The following DAB1 variants were observed in gnomAD, a reference collection of about 807,000 sequenced individuals.
DAB1 encodes disabled homolog 1.
In DAB1, 15 loss-of-function variants were observed where a neutral mutation model predicts 64.6. The ratio of observed to expected loss-of-function variants is 0.23; its 90% CI spans 0.16 to 0.36. The LOEUF (loss-of-function observed/expected upper bound fraction) is 0.36. DAB1 is among the 10% of genes least tolerant of loss of function. The pLI is 1.00. For missense variants in DAB1, 596 were observed against 706.7 expected, an observed-to-expected ratio of 0.84 and a Z score of 1.78; for synonymous variants, 235 against 251.9, an observed-to-expected ratio of 0.93 and a Z score of 0.64.
chr1:58,227,172 G>A (rs1231444310), intron 4 of DAB1, among the ~76,000 whole-genome samples: 1 of 152,140 alleles, frequency 6.6e-6, no homozygotes, highest in Non-Finnish European at 1.5e-5. Flanking sequence ...GGAATCTCCT[G>A]GAAGAGATCT....
At chr1:57,401,385 AATGAAAAAACATAT>A (rs1273613896) in intron 1 of DAB1, among the ~76,000 whole-genome samples, 1 of 152,204 alleles carries the variant, frequency 6.6e-6, no homozygotes, top group Non-Finnish European at 1.5e-5. Flanking sequence ...TACTTTCATA[AATGAAAAAACATAT>A]ATGAAAAGAT....
In DAB1 at chr1:57,799,782, T is replaced by C. The variant is rs115995374; in HGVS notation, n.551+84217A>G. Among the ~76,000 whole-genome samples the C allele has an allele frequency of 2.7e-3, 414 of 152,306 alleles. 2 individuals carry two copies. The highest frequency in any genetic ancestry group is 9.7e-3 in the African/African-American group (402 of 41,570). On this transcript the variant is annotated intron_variant and non_coding_transcript_variant, in intron 6 of 20. Transcript: ENST00000485760. ...AATTTTTCGTGACACATGAAAATTA[T>C]ATGAAATTCAAATTTCAGAGTTCCT...
chr1:57,571,988 A>C, intron 7 of DAB1, among the ~76,000 whole-genome samples: 1 of 152,150 alleles, frequency 6.6e-6, no homozygotes, highest in Non-Finnish European at 1.5e-5. Flanking sequence ...TTAAGTGCTA[A>C]AGGAATGTTG....
intron 6 of DAB1, among the ~76,000 whole-genome samples, chr1:57,788,645 G>T (rs927614): frequency 0.15 from 22,422 of 152,048 alleles, 1,865 homozygotes; most frequent in East Asian, 0.26. Context: ...ATGGACTCTA[G>T]AGTCAGGCAG....
chr1:57,564,477 A>C (rs1046978117), intron 7 of DAB1, among the ~76,000 whole-genome samples: 1 of 152,162 alleles, frequency 6.6e-6, no homozygotes, highest in African/African-American at 2.4e-5. Flanking sequence ...AGATGATCAA[A>C]CTTCTCCGAG....
rs140153956 is a variant in DAB1 at position 58,396,922 on chromosome 1, G to A, written n.258-53519C>T. Among the ~76,000 whole-genome samples the A allele has an allele frequency of 9.2e-5, 14 of 152,192 alleles. No individual in the cohort carries two copies. In the East Asian group the frequency reaches 1.9e-3, roughly 21 times the overall value. ...CTAAACAAAATACAAAAAACTAGCCGGGCGTAGTGGTGGGCTCCTGTAGTC... is the reference window on the plus strand; with the variant it reads ...CTAAACAAAATACAAAAAACTAGCCAGGCGTAGTGGTGGGCTCCTGTAGTC... On this transcript the variant is annotated intron_variant and non_coding_transcript_variant, in intron 3 of 20. Transcript: ENST00000485760.
intron 7 of DAB1, among the ~76,000 whole-genome samples, chr1:57,612,484 G>T (rs923134094): frequency 3.9e-5 from 6 of 152,078 alleles, no homozygotes; most frequent in Non-Finnish European, 5.9e-5. Flanking sequence ...AGAGAGAGAA[G>T]ATGTAAGGAC....
At chr1:57,494,426 T>A (rs1252539671) in intron 7 of DAB1, among the ~76,000 whole-genome samples, 2 of 152,178 alleles carry the variant, frequency 1.3e-5, no homozygotes, top group Non-Finnish European at 1.5e-5. Flanking sequence ...CCCAGCTACA[T>A]AATCACATTA....
At chr1:58,174,593 A>AG (rs1378258974) in intron 4 of DAB1, among the ~76,000 whole-genome samples, 1 of 152,114 alleles carries the variant, frequency 6.6e-6, no homozygotes, top group Non-Finnish European at 1.5e-5. Context: ...TCCTGTTTAG[A>AG]GGGGGGATTG....
chr1:57,682,076 C>T (rs1646642318), intron 6 of DAB1, among the ~76,000 whole-genome samples: 1 of 151,942 alleles, frequency 6.6e-6, no homozygotes, highest in South Asian at 2.1e-4. Flanking sequence ...AGCTGAGGAA[C>T]ACCAGCAACA....
At chr1:57,185,882 A>G (rs2100985727) in intron 2 of DAB1, among the ~76,000 whole-genome samples, 1 of 151,844 alleles carries the variant, frequency 6.6e-6, no homozygotes, top group South Asian at 2.1e-4. Context: ...GCCGGAACAA[A>G]CTCCCTCCCC....
chr1:58,095,346 C>G (rs1452037683), intron 5 of DAB1, among the ~76,000 whole-genome samples: 1 of 152,150 alleles, frequency 6.6e-6, no homozygotes, highest in Non-Finnish European at 1.5e-5. Context: ...CTTCAATGCT[C>G]ACAACCACCA....
chr1:57,509,181 C>T (rs1644380754), intron 7 of DAB1, among the ~76,000 whole-genome samples: 1 of 152,134 alleles, frequency 6.6e-6, no homozygotes, highest in South Asian at 2.1e-4. Flanking sequence ...TTTCTCATCG[C>T]TAAAACCTCC....
chr1:58,250,701 G>A (rs960205023), intron 4 of DAB1, among the ~76,000 whole-genome samples: 18 of 152,170 alleles, frequency 1.2e-4, no homozygotes, highest in Admixed American at 1.1e-3. Context: ...TCCCTTCTCC[G>A]CTACGGTCAC....
intron 1 of DAB1, among the ~76,000 whole-genome samples, chr1:57,352,522 A>C (rs1174687906): frequency 6.6e-6 from 1 of 152,174 alleles, no homozygotes; most frequent in African/African-American, 2.4e-5. Context: ...AGCACTTGCT[A>C]TAATTCCTTG....
intron 5 of DAB1, among the ~76,000 whole-genome samples, chr1:58,071,200 C>T (rs1356696954): frequency 6.6e-6 from 1 of 152,206 alleles, no homozygotes; most frequent in Non-Finnish European, 1.5e-5. Context: ...GAAGTTCTTT[C>T]GTGTGTTGTA....
chr1:57,972,258 A>G (rs191212456), intron 5 of DAB1, among the ~76,000 whole-genome samples: 28 of 152,254 alleles, frequency 1.8e-4, no homozygotes, highest in Admixed American at 5.9e-4. Flanking sequence ...TTTTTTAGAG[A>G]CAGGGTTTCA....
intron 1 of DAB1, among the ~76,000 whole-genome samples, chr1:57,407,028 TC>T (rs1403621513): frequency 2.0e-5 from 3 of 152,238 alleles, no homozygotes; most frequent in East Asian, 1.9e-4. Context: ...TAATAAACTT[TC>T]CCTAAGAATG....
At chr1:57,926,033 C>T (rs903066264) in intron 5 of DAB1, among the ~76,000 whole-genome samples, 2 of 152,166 alleles carry the variant, frequency 1.3e-5, no homozygotes, top group African/African-American at 4.8e-5. Flanking sequence ...TTTAAAAATA[C>T]ATTACACGAT....
Sources: allele counts gnomAD v4.1 joint callset (sites outside exome capture counted in the v4.1 genomes callset), GRCh38; gene constraint gnomAD v4.1.1; transcripts MANE v1.5; gene names NCBI Gene and HGNC (gene_info 2026-07-23, HGNC 2026-07-21).